NALF1: variants seen among roughly 807,000 people sequenced by gnomAD.
NALF1 encodes the protein NALCN channel auxiliary factor 1, also known as family with sequence similarity 155 member A.
NALF1 carries 3 observed loss-of-function variants against 48.4 expected under a neutral mutation model. The observed-to-expected ratio is 0.06, with a 90% CI of 0.03 to 0.16. The LOEUF is 0.16. Among genes scored for constraint, NALF1 ranks in the 10% least tolerant of loss-of-function variants. The probability of loss-of-function intolerance (pLI) is 1.00; values close to 1 mark genes in which losing one functional copy is unlikely to be tolerated. For missense variants in NALF1, 526 were observed against 571.5 expected, an observed-to-expected ratio of 0.92 and a Z score of 0.81; for synonymous variants, 262 against 245.7, an observed-to-expected ratio of 1.07 and a Z score of -0.62.
chr13:107,588,813 G>A lies in NALF1; in HGVS notation c.915+276869C>T, dbSNP rs182119170. ...AATCATGTTTTCAGTGAATAAATGC[G>A]GGGGAAAAAAGAAAGCCGAATCCTT... is the stretch of plus-strand genomic sequence containing the variant. On this transcript the variant is annotated intron_variant, in intron 1 of 2. Transcript: ENST00000375915. Among the ~76,000 whole-genome samples the A allele has an allele frequency of 4.0e-5, 6 of 151,594 alleles. No homozygotes were observed. In the East Asian group the frequency reaches 5.8e-4, roughly 15 times the overall value.
chr13:107,511,841 C>G (rs1594102806), intron 1 of NALF1, among the ~76,000 whole-genome samples: 2 of 152,236 alleles, frequency 1.3e-5, no homozygotes, highest in East Asian at 3.9e-4. Flanking sequence ...TTTATGAAAA[C>G]AAGGTTATTC....
intron 1 of NALF1, among the ~76,000 whole-genome samples, chr13:107,450,322 G>GAGCCAC (rs1324375263): frequency 6.6e-6 from 1 of 152,158 alleles, no homozygotes; most frequent in African/African-American, 2.4e-5. Flanking sequence ...GCCCATCATA[G>GAGCCAC]AGCCACGGGG....
chr13:107,785,291 C>T (rs1000407526), intron 1 of NALF1, among the ~76,000 whole-genome samples: 1 of 152,210 alleles, frequency 6.6e-6, no homozygotes, highest in East Asian at 1.9e-4. Context: ...AACCGCTCCC[C>T]TCAGTGAGTG....
chr13:107,175,050 ACTT>A (rs1878894997), intron 2 of NALF1, among the ~76,000 whole-genome samples: 1 of 90,068 alleles, frequency 1.1e-5, no homozygotes, highest in African/African-American at 5.0e-5. Context: ...CGCCCGGCTA[ACTT>A]TTTTTTTTTG....
chr13:107,763,767 A>C (rs1262087545), intron 1 of NALF1, among the ~76,000 whole-genome samples: 2 of 152,122 alleles, frequency 1.3e-5, no homozygotes, highest in Non-Finnish European at 2.9e-5. Flanking sequence ...TCACTGAATT[A>C]ATACATCAAT....
At chr13:107,669,075 A>G (rs1880929411) in intron 1 of NALF1, among the ~76,000 whole-genome samples, 1 of 152,144 alleles carries the variant, frequency 6.6e-6, no homozygotes, top group African/African-American at 2.4e-5. Flanking sequence ...AGCTTTTTGT[A>G]CATTCTTACT....
intron 1 of NALF1, among the ~76,000 whole-genome samples, chr13:107,664,281 G>A (rs907069554): frequency 1.5e-4 from 23 of 151,908 alleles, no homozygotes; most frequent in African/African-American, 4.4e-4. Flanking sequence ...TCTACCTTCC[G>A]GTGAGACTTA....
chr13:107,470,386 T>G (rs1405056706), intron 1 of NALF1, among the ~76,000 whole-genome samples: 2 of 152,232 alleles, frequency 1.3e-5, no homozygotes, highest in South Asian at 2.1e-4. Context: ...TGCATGCAGA[T>G]AGTAGAGCAA....
At chr13:107,498,553 G>C (rs114070085) in intron 1 of NALF1, among the ~76,000 whole-genome samples, 139 of 152,250 alleles carry the variant, frequency 9.1e-4, no homozygotes, top group African/African-American at 3.2e-3. Context: ...AAAGATATCT[G>C]TTGATGCAAT....
rs191495642 is a variant in NALF1 at position 107,494,050 on chromosome 13, A to G, written c.916-283295T>C. ...AATGATTTGATTTCAGTACACTAAA[A>G]TTTATTTCTACTTCATAAATGTGGT... On this transcript the variant is annotated intron_variant, in intron 1 of 2. Coordinates refer to ENST00000375915, the MANE Select transcript of NALF1 (RefSeq NM_001080396.3). Among the ~76,000 whole-genome samples, 14 of 138,530 alleles carry G rather than the reference A, an allele frequency of 1.0e-4. No individual in the cohort carries two copies. In the East Asian group the frequency reaches 2.1e-3, roughly 21 times the overall value. 90.9% of individuals were successfully genotyped at this position (138,530 alleles called of 152,430 possible). A position where few individuals can be genotyped will look rare whatever the true frequency, so the allele number is the denominator to read the frequency against.
chr13:107,718,995 T>A (rs1287615913), intron 1 of NALF1, among the ~76,000 whole-genome samples: 1 of 152,212 alleles, frequency 6.6e-6, no homozygotes, highest in African/African-American at 2.4e-5. Context: ...AAGCATTTGA[T>A]CTCAAATTCT....
chr13:107,682,863 G>A (rs371590165), intron 1 of NALF1, among the ~76,000 whole-genome samples: 1 of 152,186 alleles, frequency 6.6e-6, no homozygotes, highest in East Asian at 1.9e-4. Flanking sequence ...CTCTGCCATA[G>A]TATGGTCCCA....
At chr13:107,754,715 C>G (rs1189445325) in intron 1 of NALF1, among the ~76,000 whole-genome samples, 1 of 152,164 alleles carries the variant, frequency 6.6e-6, no homozygotes, top group African/African-American at 2.4e-5. Flanking sequence ...CATGTTTTCA[C>G]TGTAAGATCA....
chr13:107,333,433 T>TA (rs1349230922), intron 1 of NALF1, among the ~76,000 whole-genome samples: 2 of 152,086 alleles, frequency 1.3e-5, no homozygotes, highest in Non-Finnish European at 2.9e-5. Flanking sequence ...ATGCTTACAA[T>TA]ATGAGAGCTG....
rs527321819 is a variant in NALF1, at chr13:107,598,328, A to G, written c.915+267354T>C. Reference sequence around the variant, plus strand: ...TCCTCATGTTCCAATTTCTTAATACACGAGTAGCTCAAGATTCAGAACTGA... The same window carrying G: ...TCCTCATGTTCCAATTTCTTAATACGCGAGTAGCTCAAGATTCAGAACTGA... On this transcript the variant is annotated intron_variant, in intron 1 of 2. Coordinates refer to ENST00000375915, the MANE Select transcript of NALF1 (RefSeq NM_001080396.3). Among the ~76,000 whole-genome samples the G allele has an allele frequency of 1.6e-3, 242 of 152,226 alleles. 1 individual carries two copies. The highest frequency in any genetic ancestry group is 5.5e-3 in the African/African-American group (228 of 41,534).
chr13:107,448,708 G>A (rs752212058), intron 1 of NALF1, among the ~76,000 whole-genome samples: 3 of 152,036 alleles, frequency 2.0e-5, no homozygotes, highest in Non-Finnish European at 2.9e-5. Flanking sequence ...ACTACATCAC[G>A]CACCCATATT....
At chr13:107,340,165 C>T (rs1249573017) in intron 1 of NALF1, among the ~76,000 whole-genome samples, 8 of 130,548 alleles carry the variant, frequency 6.1e-5, no homozygotes, top group Non-Finnish European at 9.8e-5. Context: ...TTAAATGCCT[C>T]ACTTACATTC....
At chr13:107,847,896 A>G (rs1428639590) in intron 1 of NALF1, among the ~76,000 whole-genome samples, 1 of 152,168 alleles carries the variant, frequency 6.6e-6, no homozygotes, top group Non-Finnish European at 1.5e-5. Context: ...ATAGATAACT[A>G]ATGAAATTCT....
intron 1 of NALF1, among the ~76,000 whole-genome samples, chr13:107,493,626 G>A (rs1455337425): frequency 6.6e-6 from 1 of 152,108 alleles, no homozygotes; most frequent in Non-Finnish European, 1.5e-5. Flanking sequence ...ACTCGCAAAT[G>A]CAATCCCAGG....
Sources: allele counts gnomAD v4.1 joint callset (sites outside exome capture counted in the v4.1 genomes callset), GRCh38; gene constraint gnomAD v4.1.1; transcripts MANE v1.5; gene names NCBI Gene and HGNC (gene_info 2026-07-23, HGNC 2026-07-21).